Variants in GPAT3 observed in about 807,000 individuals in gnomAD.
The protein encoded by GPAT3 is glycerol-3-phosphate acyltransferase 3.
A neutral mutation model predicts 58.8 loss-of-function variants in GPAT3; 53 were observed. That is an observed-to-expected ratio of 0.90 (90% CI 0.72 to 1.13). The LOEUF (loss-of-function observed/expected upper bound fraction) is 1.13, where lower values mean the gene tolerates loss of function less well. GPAT3 is among the 50% of genes most tolerant of loss of function. The probability of loss-of-function intolerance (pLI) is 0.00; values close to 1 mark genes in which losing one functional copy is unlikely to be tolerated. For missense variants in GPAT3, 511 were observed against 527.6 expected (o/e 0.97, Z 0.31); for synonymous variants, 197 against 187.4 (o/e 1.05, Z -0.42).
intron 1 of GPAT3, among the ~76,000 whole-genome samples, chr4:83,537,906 T>C (rs1331883430): frequency 3.3e-5 from 5 of 152,102 alleles, no homozygotes; most frequent in African/African-American, 1.2e-4. Context: ...TGTGCCTCAT[T>C]TTCTGTATCT....
intron 2 of GPAT3, among the ~76,000 whole-genome samples, chr4:83,558,977 A>G (rs1473231847): frequency 6.6e-6 from 1 of 152,238 alleles, no homozygotes; most frequent in Non-Finnish European, 1.5e-5. Flanking sequence ...TTCTTAAGAG[A>G]TGGAACAAAA....
intron 2 of GPAT3, among the ~76,000 whole-genome samples, chr4:83,573,718 C>T (rs571632846): frequency 5.4e-4 from 82 of 152,136 alleles, no homozygotes; most frequent in Non-Finnish European, 4.9e-4. Flanking sequence ...GCTTCTCATG[C>T]CAGGAAAAGG....
chr4:83,566,534 A>G (rs1446235428), intron 2 of GPAT3, among the ~76,000 whole-genome samples: 1 of 151,174 alleles, frequency 6.6e-6, no homozygotes, highest in Non-Finnish European at 1.5e-5. Flanking sequence ...AGCCTCCCAA[A>G]GTGCTGGGAT....
chr4:83,593,074 C>T (rs563301799), intron 6 of GPAT3, among the ~76,000 whole-genome samples: 288 of 151,330 alleles, frequency 1.9e-3, no homozygotes, highest in Middle Eastern at 6.8e-3. Context: ...GCCATGTTGG[C>T]CAGGCTGGTC....
intron 3 of GPAT3, among the ~76,000 whole-genome samples, chr4:83,585,761 A>G (rs1214356698): frequency 2.6e-5 from 4 of 151,802 alleles, no homozygotes; most frequent in Admixed American, 6.6e-5. Flanking sequence ...TAATTTTTGT[A>G]TTTTTAATAG....
At chr4:83,566,805 TC>T (rs1326968769) in intron 2 of GPAT3, among the ~76,000 whole-genome samples, 1 of 150,838 alleles carries the variant, frequency 6.6e-6, no homozygotes. Context: ...TTTTTTTTTT[TC>T]CCCATTTGTT....
chr4:83,601,836 T>C (rs532691580), intron 11 of GPAT3, among the ~76,000 whole-genome samples: 60 of 152,308 alleles, frequency 3.9e-4, no homozygotes, highest in African/African-American at 1.4e-3. Context: ...AAGATAAAGA[T>C]AGCTGAAGCC....
At chr4:83,542,019 A>ATC (rs1169238072) in intron 1 of GPAT3, among the ~76,000 whole-genome samples, 3 of 152,118 alleles carry the variant, frequency 2.0e-5, no homozygotes, top group African/African-American at 7.2e-5. Flanking sequence ...CCCTATCTAA[A>ATC]TATAGTCACA....
Position 83,577,952 on chromosome 4 carries a change from G to A in GPAT3, c.209-3610G>A, listed in dbSNP as rs1366069723. Among the ~76,000 whole-genome samples the A allele has an allele frequency of 2.0e-4, 30 of 151,644 alleles. 1 individual carries two copies. Among genetic ancestry groups the A allele is most frequent in the Admixed American group, 1.4e-3 (21 of 15,204 alleles). ...GTAGCCGGGATTACAGGCGTGTGCC[G>A]CCACGCCTGGCTAATTTTTTGTATT... On this transcript the variant is annotated intron_variant, in intron 2 of 11. Coordinates refer to ENST00000264409, the MANE Select transcript of GPAT3 (RefSeq NM_032717.5).
chr4:83,573,760 G>A (rs141050784), intron 2 of GPAT3, among the ~76,000 whole-genome samples: 2 of 152,228 alleles, frequency 1.3e-5, no homozygotes, highest in African/African-American at 4.8e-5. Flanking sequence ...GCTGGAACAG[G>A]TAAACTCCTC....
intron 2 of GPAT3, among the ~76,000 whole-genome samples, chr4:83,575,070 G>C (rs1443263064): frequency 6.6e-6 from 1 of 151,812 alleles, no homozygotes; most frequent in East Asian, 1.9e-4. Flanking sequence ...TAGAGGTGGG[G>C]TTTCACCGTG....
At chr4:83,584,027 A>T (rs903704501) in intron 3 of GPAT3, among the ~76,000 whole-genome samples, 1 of 152,176 alleles carries the variant, frequency 6.6e-6, no homozygotes, top group African/African-American at 2.4e-5. Flanking sequence ...GTCAAGTTTA[A>T]TATATGGATT....
At chr4:83,575,925 A>T (rs192300454) in intron 2 of GPAT3, among the ~76,000 whole-genome samples, 2 of 152,336 alleles carry the variant, frequency 1.3e-5, no homozygotes, top group Admixed American at 1.3e-4. Flanking sequence ...GAATTCTCCT[A>T]GGTATCCTTT....
intron 2 of GPAT3, among the ~76,000 whole-genome samples, chr4:83,567,721 C>T (rs988883106): frequency 2.6e-5 from 4 of 151,936 alleles, no homozygotes; most frequent in African/African-American, 9.7e-5. Flanking sequence ...TCATTGAGCT[C>T]GGGAGTTCAA....
rs191785086 is a variant in GPAT3, at chr4:83,565,940, G to A, written c.209-15622G>A. On this transcript the variant is annotated intron_variant, in intron 2 of 11. Transcript: ENST00000264409. The stretch of plus-strand genomic sequence containing the variant: ...TGAGTTTCCTCGAGCAAAGGCGTGT[G>A]TCTAAACTACCTAAGATCTTTAACT... Among the ~76,000 whole-genome samples the A allele has an allele frequency of 5.3e-5, 8 of 152,322 alleles. No homozygotes were observed. The East Asian group carries it at 1.5e-3, about 29-fold the overall frequency.
chr4:83,566,805 T>C (rs954620010), intron 2 of GPAT3, among the ~76,000 whole-genome samples: 24 of 150,954 alleles, frequency 1.6e-4, no homozygotes, highest in African/African-American at 4.1e-4. Flanking sequence ...TTTTTTTTTT[T>C]CCCCATTTGT....
chr4:83,536,852 A>G, intron 1 of GPAT3, 89 bp downstream of exon 1: 2 of 1,294,514 alleles, frequency 1.5e-6, no homozygotes, highest in Non-Finnish European at 2.2e-6. Flanking sequence ...GTCGCGAGTC[A>G]GGGGTGTGTG....
chr4:83,562,967 T>G (rs62305331), intron 2 of GPAT3, among the ~76,000 whole-genome samples: 28,209 of 152,150 alleles, frequency 0.19, 3,062 homozygotes, highest in East Asian at 0.31. Context: ...CTGTAAGCTG[T>G]GCTTTTCTGT....
chr4:83,541,071 G>C (rs1487707497), intron 1 of GPAT3, among the ~76,000 whole-genome samples: 1 of 152,158 alleles, frequency 6.6e-6, no homozygotes, highest in African/African-American at 2.4e-5. Context: ...ATTACAGCCA[G>C]GAAGTGGCAG....
Sources: gnomAD v4.1 joint callset for allele counts (sites outside exome capture counted in the v4.1 genomes callset) on GRCh38, gnomAD v4.1.1 for gene constraint, MANE v1.5 for transcripts, NCBI Gene and HGNC (gene_info 2026-07-23, HGNC 2026-07-21) for gene names.